Variants in SCUBE2 observed in about 807,000 individuals in gnomAD.
The protein encoded by SCUBE2 is signal peptide, CUB domain and EGF like domain containing 2, also known as signal peptide, CUB and EGF-like domain-containing protein 2.
SCUBE2 carries 114 observed loss-of-function variants against 125.9 expected under a neutral mutation model. The observed-to-expected ratio is 0.91, with a 90% CI of 0.78 to 1.06. The LOEUF (loss-of-function observed/expected upper bound fraction) is 1.06. Among genes scored for constraint, SCUBE2 ranks in the 50% least tolerant of loss-of-function variants. SCUBE2 has a pLI of 0.00. For synonymous variants in SCUBE2, 459 were observed against 492.9 expected (o/e 0.93, Z 0.91); for missense variants, 1,255 against 1,301.8 (o/e 0.96, Z 0.55).
rs756370611 is a variant in SCUBE2 at position 9,074,591 on chromosome 11, T to C, written c.407A>G (p.Asn136Ser). The change falls in exon 4 of 23, where the codon AAT becomes AGT. Residue 136 changes from asparagine to serine, a missense_variant. Coordinates refer to ENST00000649792, the MANE Select transcript of SCUBE2 (RefSeq NM_001367977.2). Reference sequence around the variant, plus strand: ...GACACAGGTATGCTGGCAGCCGCCATTGTTCTCCAGGCACTCGTCCACATC... The same window carrying C: ...GACACAGGTATGCTGGCAGCCGCCACTGTTCTCCAGGCACTCGTCCACATC... Reference protein sequence around the residue: ...CLDVDECLENNGGCQHTCVNV... With the variant: ...CLDVDECLENSGGCQHTCVNV... 5.6e-6 allele frequency: 9 copies of C among 1,614,192 alleles called. No individual in the cohort carries two copies. Among genetic ancestry groups the C allele is most frequent in the Middle Eastern group, 1.6e-4 (1 of 6,062 alleles).
At chr11:9,032,863 G>A (rs1856434211) in intron 17 of SCUBE2, among the ~76,000 whole-genome samples, 1 of 152,210 alleles carries the variant, frequency 6.6e-6, no homozygotes. Flanking sequence ...CAGTCAATAT[G>A]AGGATTTGAT....
At position 9,028,547 on chromosome 11, in the gene SCUBE2, C is replaced by A. The variant is rs12574447; in HGVS notation, c.2504-986G>T. 3.7e-3 allele frequency among the ~76,000 whole-genome samples: 560 copies of A among 152,328 alleles called. 16 individuals are homozygous for A. In the East Asian group the frequency reaches 0.089, roughly 24 times the overall value. On this transcript the variant is annotated intron_variant, in intron 19 of 22. Coordinates refer to ENST00000649792, the MANE Select transcript of SCUBE2 (RefSeq NM_001367977.2). ...TGAGAGCTCAGAAATGAGAAAGACA[C>A]AGTCTTTGCTCTCAAGGAGCTCATT...
intron 3 of SCUBE2, among the ~76,000 whole-genome samples, chr11:9,075,882 G>A (rs1861177018): frequency 1.3e-5 from 2 of 152,226 alleles, no homozygotes; most frequent in Admixed American, 1.3e-4. Context: ...GGCATCATTA[G>A]AGGATGGAAA....
In SCUBE2 at chr11:9,056,595, C is replaced by CTATGAG. The variant is rs535020669; in HGVS notation, c.1091-687_1091-686insCTCATA. Among the ~76,000 whole-genome samples the CTATGAG allele has an allele frequency of 7.9e-5, 12 of 152,316 alleles. No individual in the cohort carries two copies. The East Asian group carries it at 2.1e-3, about 27-fold the overall frequency. The stretch of plus-strand genomic sequence containing the variant: ...GTGCCAGTCCTATGAGTCTGCTAGC[C>CTATGAG]TCCTGGTTCAGTGTGGAAGCCTCCT... On this transcript the variant is annotated intron_variant, in intron 9 of 22. Transcript: ENST00000649792.
At chr11:9,027,667 G>A (rs1460757605) in intron 19 of SCUBE2, 106 bp from the exon 20 acceptor site, 14 of 951,592 alleles carry the variant, frequency 1.5e-5, no homozygotes, top group Non-Finnish European at 2.0e-5. Context: ...CCAGGAATGG[G>A]GCATGAAAAT....
At chr11:9,029,417 C>G (rs1856083220) in intron 19 of SCUBE2, among the ~76,000 whole-genome samples, 1 of 152,240 alleles carries the variant, frequency 6.6e-6, no homozygotes, top group Non-Finnish European at 1.5e-5. Context: ...CCCTCTCCAT[C>G]AAAACCTTCT....
At chr11:9,029,059 A>AG (rs59931641) in intron 19 of SCUBE2, among the ~76,000 whole-genome samples, 18,250 of 152,152 alleles carry the variant, frequency 0.12, 1,424 homozygotes, top group African/African-American at 0.22. Context: ...CCTCCAGTTT[A>AG]GGGGGGGCCT....
chr11:9,020,955 T>G lies in SCUBE2; in HGVS notation c.*90A>C. The G allele has an allele frequency of 8.4e-7, 1 of 1,186,116 alleles. No individual in the cohort carries two copies. Among genetic ancestry groups the G allele is most frequent in the Non-Finnish European group, 1.2e-6 (1 of 862,198 alleles). 73.5% of individuals were successfully genotyped at this position (1,186,116 alleles called of 1,614,324 possible). A position where few individuals can be genotyped will look rare whatever the true frequency, so the allele number is the denominator to read the frequency against. ...GAGTCACTGATACGGGAGGCAGCAA[T>G]ACCCGACTGTGCTGACATGCAGAAG... On this transcript the variant is annotated 3_prime_UTR_variant, in exon 23 of 23. Coordinates refer to ENST00000649792, the MANE Select transcript of SCUBE2 (RefSeq NM_001367977.2).
At chr11:9,064,391 G>C (rs549201351) in intron 7 of SCUBE2, 1 of 151,864 alleles carries the variant, frequency 6.6e-6, no homozygotes, top group Non-Finnish European at 1.5e-5. Context: ...GCTTGAGCCT[G>C]GGAGGCGGAG....
chr11:9,056,017 CAG>C, intron 9 of SCUBE2, 108 bp from the exon 10 acceptor site: 1 of 820,810 alleles, frequency 1.2e-6, no homozygotes, highest in East Asian at 2.4e-5. Context: ...ACAATACACA[CAG>C]AGTAAAAAAC....
chr11:9,028,827 A>G (rs999742812), intron 19 of SCUBE2, among the ~76,000 whole-genome samples: 1 of 152,188 alleles, frequency 6.6e-6, no homozygotes, highest in Non-Finnish European at 1.5e-5. Context: ...GGGAACATTC[A>G]TCTTGTTCTA....
intron 2 of SCUBE2, among the ~76,000 whole-genome samples, chr11:9,083,872 C>A (rs1412017367): frequency 6.6e-6 from 1 of 151,904 alleles, no homozygotes; most frequent in Non-Finnish European, 1.5e-5. Context: ...GTTTGGAATC[C>A]AAAGTATCAG....
chr11:9,088,666 G>C (rs914105682), intron 2 of SCUBE2, among the ~76,000 whole-genome samples: 1 of 152,158 alleles, frequency 6.6e-6, no homozygotes, highest in Non-Finnish European at 1.5e-5. Context: ...AAAACCTCTC[G>C]AAGAGGAAGG....
chr11:9,089,873 A>C (rs780807753), intron 1 of SCUBE2, 44 bp from the exon 2 acceptor site: 2 of 1,604,056 alleles, frequency 1.2e-6, no homozygotes, highest in African/African-American at 2.7e-5. Context: ...CTCCCAGGCC[A>C]TGTGTGATCT....
intron 5 of SCUBE2, 74 bp downstream of exon 5, chr11:9,069,296 C>G (rs1228770338): frequency 6.3e-7 from 1 of 1,589,654 alleles, no homozygotes; most frequent in Admixed American, 1.7e-5. Context: ...GGTGGTGCTT[C>G]TGAGCTGGGC....
rs184740991 is a variant in SCUBE2 at position 9,077,905 on chromosome 11, C to T, written c.382+1479G>A. Among the ~76,000 whole-genome samples, 291 of 152,346 alleles carry T rather than the reference C, an allele frequency of 1.9e-3. 1 individual carries two copies. Among genetic ancestry groups the T allele is most frequent in the Non-Finnish European group, 3.5e-3 (235 of 68,038 alleles). The stretch of plus-strand genomic sequence containing the variant: ...TTCCAAGCAGGCCAATACTCAGAGC[C>T]GCCCACCAGCCCTGGCCCAGGTTCC... On this transcript the variant is annotated intron_variant, in intron 3 of 22. Coordinates refer to ENST00000649792, the MANE Select transcript of SCUBE2 (RefSeq NM_001367977.2).
chr11:9,034,916 G>A (rs1460897951), intron 16 of SCUBE2, among the ~76,000 whole-genome samples: 1 of 152,110 alleles, frequency 6.6e-6, no homozygotes, highest in East Asian at 1.9e-4. Flanking sequence ...AATTGCTTGA[G>A]CTCTGCAAAC....
In SCUBE2 at chr11:9,041,855, G is replaced by A. The variant is rs560832846; in HGVS notation, c.2002+5501C>T. Among the ~76,000 whole-genome samples the A allele has an allele frequency of 8.5e-5, 13 of 152,252 alleles. No homozygotes were observed. The East Asian group carries it at 2.3e-3, about 27-fold the overall frequency. ...GATGGGTTTGTGTGATGTTGGAAAT[G>A]ATCTAGCAGAGGAGAAGAATTCTGA... On this transcript the variant is annotated intron_variant, in intron 16 of 22. Coordinates refer to ENST00000649792, the MANE Select transcript of SCUBE2 (RefSeq NM_001367977.2).
At chr11:9,086,397 G>T (rs1229852185) in intron 2 of SCUBE2, among the ~76,000 whole-genome samples, 1 of 152,142 alleles carries the variant, frequency 6.6e-6, no homozygotes, top group Non-Finnish European at 1.5e-5. Flanking sequence ...ACCATAGGTT[G>T]GTCCCAAGAG....
Sources: gnomAD v4.1 joint callset for allele counts (sites outside exome capture counted in the v4.1 genomes callset) on GRCh38, gnomAD v4.1.1 for gene constraint, MANE v1.5 for transcripts, NCBI Gene and HGNC (gene_info 2026-07-23, HGNC 2026-07-21) for gene names.